Variants in DOCK3 observed in about 807,000 individuals in gnomAD.
DOCK3 encodes the protein dedicator of cytokinesis 3.
DOCK3 carries 60 observed loss-of-function variants against 265.6 expected under a neutral mutation model. The observed-to-expected ratio is 0.23, with a 90% confidence interval of 0.18 to 0.28. The LOEUF (loss-of-function observed/expected upper bound fraction) is 0.28. Ranked by LOEUF, DOCK3 falls within the 10% of genes least tolerant of loss-of-function variation. The pLI is 1.00. For synonymous variants in DOCK3, 881 were observed against 938.0 expected (o/e 0.94, Z 1.11); for missense variants, 1,981 against 2,594.3 (o/e 0.76, Z 5.14).
chr3:51,381,447 G>A lies in DOCK3; in HGVS notation c.5981G>A (p.Arg1994His), dbSNP rs782275222. 17 of 1,607,648 alleles carry A rather than the reference G, an allele frequency of 1.1e-5. No homozygotes were observed. The highest frequency in any genetic ancestry group is 4.4e-5 in the South Asian group (4 of 90,492). Residue 1994 changes from arginine to histidine, a missense_variant, in exon 53 of 53, where the codon CGT becomes CAT. Around this residue, in one of 4 missense-constraint regions of DOCK3, gnomAD observed 149 missense variants for 144.7 expected, o/e 1.03. Transcript: ENST00000266037. The surrounding 1 kb of genome is among the most constrained non-coding windows in gnomAD (Gnocchi z 5.6). Reference sequence around the variant, plus strand: ...GAGCACGATGAGGGGGTGCTGCTGCGTGAAGAGACTGAGAGGCCTCGAGGC... The same window carrying A: ...GAGCACGATGAGGGGGTGCTGCTGCATGAAGAGACTGAGAGGCCTCGAGGC... ...ALEHDEGVLL[R>H]EETERPRGLH...
chr3:50,687,912 C>T (rs370694977), intron 1 of DOCK3, among the ~76,000 whole-genome samples: 2 of 152,214 alleles, frequency 1.3e-5, no homozygotes, highest in Non-Finnish European at 2.9e-5. Flanking sequence ...GAAAATATAT[C>T]GCACAAAAGC....
intron 5 of DOCK3, among the ~76,000 whole-genome samples, chr3:51,016,599 G>C (rs1374180151): frequency 1.2e-4 from 8 of 69,154 alleles, no homozygotes; most frequent in African/African-American, 6.0e-4. Context: ...TATTATATAT[G>C]ATATATATAT....
At chr3:51,046,672 A>G (rs1257681541) in intron 5 of DOCK3, among the ~76,000 whole-genome samples, 1 of 152,190 alleles carries the variant, frequency 6.6e-6, no homozygotes, top group Admixed American at 6.6e-5. Flanking sequence ...TAATGGATAG[A>G]TCAGACAGAA....
intron 2 of DOCK3, among the ~76,000 whole-genome samples, chr3:50,831,462 A>G (rs1054810088): frequency 1.3e-5 from 2 of 151,868 alleles, no homozygotes; most frequent in African/African-American, 4.8e-5. Context: ...GCCACTTGTG[A>G]GTGAGAACAT....
At chr3:50,922,452 T>A (rs2050534193) in intron 4 of DOCK3, among the ~76,000 whole-genome samples, 1 of 152,230 alleles carries the variant, frequency 6.6e-6, no homozygotes, top group South Asian at 2.1e-4. Context: ...TTACTGTCTG[T>A]CATGGCTTCC....
chr3:50,731,795 A>G (rs968449473), intron 1 of DOCK3, among the ~76,000 whole-genome samples: 1 of 152,318 alleles, frequency 6.6e-6, no homozygotes, highest in African/African-American at 2.4e-5. Flanking sequence ...TTCTCTCCTA[A>G]GCTTGGGAAA....
At position 50,747,454 on chromosome 3, in the gene DOCK3, T is replaced by C. The variant is rs562972329; in HGVS notation, c.38-31221T>C. ...CCAAGGTACAAGGCATATCCACTTA[T>C]TTAATTTTTTTCAGAAATATTTTAG... On this transcript the variant is annotated intron_variant, in intron 1 of 52. Transcript: ENST00000266037. 9.8e-5 allele frequency among the ~76,000 whole-genome samples: 15 copies of C among 152,368 alleles called. No individual in the cohort carries two copies. In the East Asian group the frequency reaches 2.3e-3, roughly 23 times the overall value.
At chr3:51,113,547 AGCT>A (rs984872321) in intron 9 of DOCK3, among the ~76,000 whole-genome samples, 2 of 152,190 alleles carry the variant, frequency 1.3e-5, no homozygotes, top group African/African-American at 4.8e-5. Flanking sequence ...CTGACTCCAG[AGCT>A]GCTGACAGCT....
At chr3:51,203,243 T>C (rs368128633) in intron 12 of DOCK3, among the ~76,000 whole-genome samples, 2 of 152,162 alleles carry the variant, frequency 1.3e-5, no homozygotes, top group African/African-American at 4.8e-5. Flanking sequence ...TGTTTGCAGA[T>C]GACATGATTG....
rs768571495 is a variant in DOCK3 at position 51,374,439 on chromosome 3, C to A, written c.5294-30C>A. On this transcript the variant is annotated intron_variant, in intron 49 of 52. Transcript: ENST00000266037. This position sits in a 1 kb window ranked among gnomAD's most constrained non-coding sequence, Gnocchi z 4.8. ...GGACCCTCCATCTGTGGCTTGTCAT[C>A]TGTGCTTGATTGTTCTCACTTGGTT... The A allele has an allele frequency of 1.7e-5, 27 of 1,594,346 alleles. No homozygotes were observed. Among genetic ancestry groups the A allele is most frequent in the Non-Finnish European group, 2.1e-5 (25 of 1,169,306 alleles).
At chr3:51,337,828 G>A (rs992010002) in intron 35 of DOCK3, among the ~76,000 whole-genome samples, 2 of 152,154 alleles carry the variant, frequency 1.3e-5, no homozygotes, top group Admixed American at 1.3e-4. Flanking sequence ...TTAAGCACGA[G>A]ACCTGCTGCT....
intron 5 of DOCK3, among the ~76,000 whole-genome samples, chr3:51,039,951 A>G (rs1371265917): frequency 6.6e-6 from 1 of 150,794 alleles, no homozygotes; most frequent in African/African-American, 2.4e-5. Context: ...TCAAAGTGAC[A>G]AAGATATTCC....
chr3:51,081,422 TA>T (rs1243843147), intron 7 of DOCK3, among the ~76,000 whole-genome samples: 4 of 152,178 alleles, frequency 2.6e-5, no homozygotes, highest in Non-Finnish European at 5.9e-5. Flanking sequence ...TAACTAATTA[TA>T]AAAAATAACA....
intron 5 of DOCK3, among the ~76,000 whole-genome samples, chr3:51,063,423 T>C (rs757662359): frequency 8.5e-5 from 13 of 152,214 alleles, no homozygotes; most frequent in Non-Finnish European, 1.6e-4. Context: ...GTTTTAGTTA[T>C]AAGATCACTG....
chr3:50,819,539 C>T (rs1041433926), intron 2 of DOCK3, among the ~76,000 whole-genome samples: 1 of 152,156 alleles, frequency 6.6e-6, no homozygotes, highest in African/African-American at 2.4e-5. Context: ...CCGAAAGAAG[C>T]CAGTCAAAGC....
chr3:51,081,685 G>C (rs2082245297), intron 7 of DOCK3, among the ~76,000 whole-genome samples: 1 of 152,064 alleles, frequency 6.6e-6, no homozygotes, highest in Admixed American at 6.6e-5. Flanking sequence ...CACGAGGTCA[G>C]GAGATTGAGA....
intron 12 of DOCK3, among the ~76,000 whole-genome samples, chr3:51,170,941 CAAAAAAAA>C (rs146911259): frequency 1.7e-5 from 1 of 60,040 alleles, no homozygotes; most frequent in South Asian, 5.9e-4. Context: ...GACTCCATCT[CAAAAAAAA>C]AAAAAAAAAA....
chr3:51,167,516 G>A (rs2086468334), intron 12 of DOCK3, among the ~76,000 whole-genome samples: 1 of 152,036 alleles, frequency 6.6e-6, no homozygotes, highest in African/African-American at 2.4e-5. Flanking sequence ...AGGCTGCCTT[G>A]AATCTGTAGA....
At chr3:50,725,858 A>C (rs1053248601) in intron 1 of DOCK3, among the ~76,000 whole-genome samples, 2 of 152,128 alleles carry the variant, frequency 1.3e-5, no homozygotes, top group African/African-American at 2.4e-5. Flanking sequence ...CCCGGGTGGC[A>C]TTTGTTGAAA....
Sources: allele counts gnomAD v4.1 joint callset (sites outside exome capture counted in the v4.1 genomes callset), GRCh38; gene constraint gnomAD v4.1.1; regional missense constraint gnomAD v4.1.1; non-coding constraint Gnocchi (gnomAD v3.1); transcripts MANE v1.5; gene names NCBI Gene and HGNC (gene_info 2026-07-23, HGNC 2026-07-21).